Variants in CDK14 observed in about 807,000 individuals in gnomAD.
The protein encoded by CDK14 is cyclin-dependent kinase 14.
A neutral mutation model predicts 60.7 loss-of-function variants in CDK14; 34 were observed. The observed-to-expected ratio is 0.56, with a 90% confidence interval of 0.43 to 0.75. The LOEUF is 0.75. CDK14 is among the 30% of genes least tolerant of loss of function. The pLI, the probability that CDK14 is intolerant of heterozygous loss-of-function variation, is 0.00. For missense variants in CDK14, 482 were observed against 564.1 expected (o/e 0.85, Z 1.47); for synonymous variants, 197 against 203.7 (o/e 0.97, Z 0.28).
chr7:90,596,495 C>A lies in CDK14; in HGVS notation c.-133C>A. ...CCTGCTGCTCGCCTCCCTAGACCTG[C>A]GCGTCGCTTCCCGGCCCGCCGAGGA... On this transcript the variant is annotated 5_prime_UTR_variant, in exon 1 of 15. Coordinates refer to ENST00000380050, the MANE Select transcript of CDK14 (RefSeq NM_001287135.2). 1.5e-6 allele frequency: 1 copy of A among 684,288 alleles called. No homozygotes were observed. Among genetic ancestry groups the A allele is most frequent in the Non-Finnish European group, 2.5e-6 (1 of 392,406 alleles). The allele number at this position is 684,288 out of a possible 1,614,324, so 42.4% of individuals were successfully genotyped here.
intron 2 of CDK14, among the ~76,000 whole-genome samples, chr7:90,677,508 T>C (rs1801226792): frequency 6.6e-6 from 1 of 152,228 alleles, no homozygotes; most frequent in Admixed American, 6.5e-5. Flanking sequence ...AATCTTGGTT[T>C]CAGTTGTGTT....
At chr7:90,863,332 G>A (rs1033053901) in intron 6 of CDK14, 63 bp downstream of exon 6, 6 of 968,912 alleles carry the variant, frequency 6.2e-6, no homozygotes, top group Non-Finnish European at 9.5e-6. Context: ...TTATAGTGTT[G>A]TCATAGAATT....
In CDK14 at chr7:90,874,567, G is replaced by T. The variant is rs188440751; in HGVS notation, c.639+11298G>T. 9.0e-3 allele frequency among the ~76,000 whole-genome samples: 1,042 copies of T among 115,158 alleles called. 24 individuals carry two copies. The highest frequency in any genetic ancestry group is 0.032 in the African/African-American group (1,008 of 31,178). 75.5% of individuals were successfully genotyped at this position (115,158 alleles called of 152,430 possible). ...GACGGAGTCTCGCTCTGTCGCCCAG[G>T]CCGGACTGCGGACTGCAGTGGCGCA... On this transcript the variant is annotated intron_variant, in intron 6 of 14. Coordinates refer to ENST00000380050, the MANE Select transcript of CDK14 (RefSeq NM_001287135.2).
chr7:90,690,274 T>G (rs973058762), intron 2 of CDK14, among the ~76,000 whole-genome samples: 2 of 152,176 alleles, frequency 1.3e-5, no homozygotes, highest in Non-Finnish European at 2.9e-5. Flanking sequence ...AGAGGCAGGT[T>G]GTGTGACACT....
intron 4 of CDK14, among the ~76,000 whole-genome samples, chr7:90,769,474 C>T (rs57165508): frequency 0.91 from 134,979 of 148,252 alleles, 61,534 homozygotes; most frequent in East Asian, 1. Context: ...TCTTTTCTTT[C>T]TTTTTTTTTT....
At chr7:91,059,090 T>C (rs1797689406) in intron 11 of CDK14, among the ~76,000 whole-genome samples, 1 of 152,234 alleles carries the variant, frequency 6.6e-6, no homozygotes, top group African/African-American at 2.4e-5. Flanking sequence ...GAGCCTGTTA[T>C]TGGTCTATTC....
At chr7:90,951,866 A>G (rs924690182) in intron 8 of CDK14, among the ~76,000 whole-genome samples, 1 of 152,184 alleles carries the variant, frequency 6.6e-6, no homozygotes, top group Non-Finnish European at 1.5e-5. Context: ...AAGGAATTAC[A>G]TAGAACCAGG....
intron 14 of CDK14, among the ~76,000 whole-genome samples, chr7:91,155,785 T>C (rs761396260): frequency 2.0e-5 from 3 of 152,228 alleles, no homozygotes; most frequent in Non-Finnish European, 2.9e-5. Flanking sequence ...AAGATTTCTG[T>C]TGGGTTTATA....
At chr7:90,776,899 G>A (rs1805070275) in intron 4 of CDK14, among the ~76,000 whole-genome samples, 1 of 151,664 alleles carries the variant, frequency 6.6e-6, no homozygotes, top group Non-Finnish European at 1.5e-5. Flanking sequence ...AACCAGAACC[G>A]AAGGAAATGG....
chr7:90,609,025 GTTA>G (rs926792611), intron 2 of CDK14, among the ~76,000 whole-genome samples: 4 of 152,030 alleles, frequency 2.6e-5, no homozygotes, highest in Admixed American at 6.6e-5. Context: ...AAAGGTGGCA[GTTA>G]TTATTATTAT....
At chr7:90,986,667 A>G (rs1795380098) in intron 10 of CDK14, among the ~76,000 whole-genome samples, 1 of 152,014 alleles carries the variant, frequency 6.6e-6, no homozygotes, top group African/African-American at 2.4e-5. Flanking sequence ...TGTATTGACA[A>G]AAATGGCCAA....
chr7:90,730,592 T>C (rs1340865574), intron 3 of CDK14, among the ~76,000 whole-genome samples: 1 of 152,256 alleles, frequency 6.6e-6, no homozygotes, highest in Non-Finnish European at 1.5e-5. Context: ...TGATTTGCAT[T>C]TCTCTACTGA....
At chr7:91,185,038 T>C (rs1046945197) in intron 14 of CDK14, among the ~76,000 whole-genome samples, 88 of 150,714 alleles carry the variant, frequency 5.8e-4, no homozygotes, top group African/African-American at 1.9e-3. Flanking sequence ...CCAGCTGTCA[T>C]CTGTATTTTA....
chr7:90,650,637 A>T (rs1350869935), intron 2 of CDK14, among the ~76,000 whole-genome samples: 1 of 152,140 alleles, frequency 6.6e-6, no homozygotes, highest in Non-Finnish European at 1.5e-5. Flanking sequence ...TTTTTGTGTA[A>T]GGTGTAAGGA....
At chr7:91,108,121 A>G (rs1384764060) in intron 12 of CDK14, among the ~76,000 whole-genome samples, 1 of 152,176 alleles carries the variant, frequency 6.6e-6, no homozygotes, top group Non-Finnish European at 1.5e-5. Context: ...CAACCTGGCC[A>G]ACATGGTGAA....
intron 8 of CDK14, among the ~76,000 whole-genome samples, chr7:90,953,011 T>C (rs931650417): frequency 6.6e-6 from 1 of 152,216 alleles, no homozygotes; most frequent in Non-Finnish European, 1.5e-5. Flanking sequence ...CATTCTTTTC[T>C]TTCTCTTTCT....
intron 9 of CDK14, 124 bp from the exon 10 acceptor site, chr7:90,984,024 G>T: frequency 1.5e-6 from 1 of 680,312 alleles, no homozygotes; most frequent in African/African-American, 1.8e-5. Context: ...AAAAGTTAGA[G>T]GGGAAAAAGG....
In CDK14 at chr7:91,106,229, A is replaced by T. The variant is rs921035122; in HGVS notation, c.1155-6313A>T. The stretch of plus-strand genomic sequence containing the variant: ...ACATTGCAATTGCAGAACTCTGAAG[A>T]GGAAGAGAAGAGCACAAAGAGGCAG... On this transcript the variant is annotated intron_variant, in intron 12 of 14. Coordinates refer to ENST00000380050, the MANE Select transcript of CDK14 (RefSeq NM_001287135.2). Among the ~76,000 whole-genome samples, 7 of 152,216 alleles carry T rather than the reference A, an allele frequency of 4.6e-5. No individual in the cohort carries two copies. The East Asian group carries it at 1.3e-3, about 29-fold the overall frequency.
chr7:90,830,163 C>T (rs1179130684), intron 5 of CDK14, among the ~76,000 whole-genome samples: 1 of 152,188 alleles, frequency 6.6e-6, no homozygotes, highest in Admixed American at 6.5e-5. Flanking sequence ...AGTAGAGGTT[C>T]TCTATAAGGA....
Sources: gnomAD v4.1 joint callset for allele counts (sites outside exome capture counted in the v4.1 genomes callset) on GRCh38, gnomAD v4.1.1 for gene constraint, MANE v1.5 for transcripts, NCBI Gene and HGNC (gene_info 2026-07-23, HGNC 2026-07-21) for gene names.